CWH43: variants seen among roughly 807,000 people sequenced by gnomAD.
CWH43 encodes the protein cell wall biogenesis 43 C-terminal homolog.
CWH43 carries 91 observed loss-of-function variants against 85.7 expected under a neutral mutation model. The observed-to-expected ratio is 1.06, with a 90% CI of 0.90 to 1.26. The LOEUF (loss-of-function observed/expected upper bound fraction) is 1.26, where lower values mean the gene tolerates loss of function less well. Ranked by LOEUF, CWH43 falls within the 50% of genes most tolerant of loss-of-function variation. The pLI is 0.00. For missense variants in CWH43, 869 were observed against 839.2 expected (o/e 1.04, Z -0.44); for synonymous variants, 323 against 293.6 (o/e 1.10, Z -1.02).
chr4:48,999,721 G>T (rs182371891), intron 6 of CWH43, among the ~76,000 whole-genome samples: 1 of 152,150 alleles, frequency 6.6e-6, no homozygotes, highest in Non-Finnish European at 1.5e-5. Context: ...TTGCTTTTCC[G>T]TGTTTCAAAA....
At chr4:49,037,933 C>G (rs1784308771) in intron 12 of CWH43, 103 bp from the exon 13 acceptor site, 4 of 926,648 alleles carry the variant, frequency 4.3e-6, no homozygotes, top group Non-Finnish European at 4.9e-6. Context: ...TGACTCTGGG[C>G]TTCTTCACTA....
chr4:49,057,074 T>C (rs1784988071), intron 15 of CWH43, among the ~76,000 whole-genome samples: 1 of 152,218 alleles, frequency 6.6e-6, no homozygotes. Flanking sequence ...ATAAGATTTG[T>C]CCTGGAGAAT....
chr4:49,017,899 A>G (rs931992089), intron 9 of CWH43, among the ~76,000 whole-genome samples: 11 of 151,516 alleles, frequency 7.3e-5, no homozygotes, highest in African/African-American at 2.7e-4. Flanking sequence ...CAGTGGTGCG[A>G]TCTTGGCTCA....
At chr4:48,997,108 T>TAATA (rs1175398324) in intron 5 of CWH43, among the ~76,000 whole-genome samples, 3 of 152,354 alleles carry the variant, frequency 2.0e-5, no homozygotes, top group Admixed American at 6.5e-5. Context: ...GAACATCTAT[T>TAATA]AATATCTGAC....
intron 2 of CWH43, among the ~76,000 whole-genome samples, chr4:48,990,639 T>C (rs1782630377): frequency 6.6e-6 from 1 of 152,180 alleles, no homozygotes. Context: ...CAGACAATAA[T>C]AAGTGTTGAC....
intron 5 of CWH43, among the ~76,000 whole-genome samples, chr4:48,995,562 G>T (rs1345070850): frequency 6.6e-6 from 1 of 152,130 alleles, no homozygotes; most frequent in Admixed American, 6.5e-5. Flanking sequence ...TCTTTCCCCA[G>T]CAGGGATCTG....
rs1441186570 is a variant in CWH43 at position 49,032,234 on chromosome 4, A to C, written c.1509-332A>C. Among the ~76,000 whole-genome samples the C allele has an allele frequency of 3.3e-5, 5 of 152,150 alleles. No homozygotes were observed. In the East Asian group the frequency reaches 7.7e-4, roughly 23 times the overall value. On this transcript the variant is annotated intron_variant, in intron 11 of 15. Transcript: ENST00000226432. ...AGATTGTACCTTCCCATATGTGTTG[A>C]TTAATATTAGAATTGTTTATGCAAA...
At chr4:49,030,168 A>G (rs1428783785) in intron 10 of CWH43, among the ~76,000 whole-genome samples, 1 of 152,230 alleles carries the variant, frequency 6.6e-6, no homozygotes, top group Non-Finnish European at 1.5e-5. Flanking sequence ...GATTTGTTTC[A>G]GTGCTCCGGG....
intron 14 of CWH43, among the ~76,000 whole-genome samples, chr4:49,050,039 T>TAC (rs1217720692): frequency 6.6e-6 from 1 of 152,220 alleles, no homozygotes; most frequent in East Asian, 1.9e-4. Flanking sequence ...TCCATATATA[T>TAC]ACATATGTGC....
At position 49,014,360 on chromosome 4, in the gene CWH43, C is replaced by A. The variant is rs573347207; in HGVS notation, c.1187-2889C>A. Among the ~76,000 whole-genome samples the A allele has an allele frequency of 1.7e-3, 252 of 149,398 alleles. 1 individual carries two copies. The highest frequency in any genetic ancestry group is 5.9e-3 in the African/African-American group (237 of 40,160). On this transcript the variant is annotated intron_variant, in intron 8 of 15. Coordinates refer to ENST00000226432, the MANE Select transcript of CWH43 (RefSeq NM_025087.3). ...CAGTAGTCTCAGCTACTAGGGAGGG[C>A]GAGGGTGAAGTGGGAGGATCTTTTG...
intron 15 of CWH43, among the ~76,000 whole-genome samples, chr4:49,053,840 G>A (rs1784872309): frequency 1.3e-5 from 2 of 152,176 alleles, no homozygotes; most frequent in Admixed American, 1.3e-4. Flanking sequence ...TGCTCAAACA[G>A]TAAGTATAAT....
rs1560484290 is a variant in CWH43, at chr4:48,992,013, C to T, written c.434C>T (p.Pro145Leu). 1.2e-6 allele frequency: 2 copies of T among 1,613,772 alleles called. No individual in the cohort carries two copies. The highest frequency in any genetic ancestry group is 1.1e-5 in the South Asian group (1 of 91,064). ...VLRIWYTSLNPIWSYQMSNKV... is the reference protein window; with the variant it reads ...VLRIWYTSLNLIWSYQMSNKV... Reference sequence around the variant, plus strand: ...CGCATATGGTATACTTCACTAAACCCAATCTGGAGTTATCAGATGTCCAAC... The same window carrying T: ...CGCATATGGTATACTTCACTAAACCTAATCTGGAGTTATCAGATGTCCAAC... Residue 145 changes from proline to leucine, a missense_variant, in exon 4 of 16, where the codon CCA (proline) becomes CTA (leucine). Pro to Leu is a moderately conservative substitution (Grantham distance 98). This residue lies in a region of CWH43 where 152 missense variants were observed against 203.6 expected (regional missense o/e 0.75). Coordinates refer to ENST00000226432, the MANE Select transcript of CWH43 (RefSeq NM_025087.3). The surrounding 1 kb of genome is among the most constrained non-coding windows in gnomAD (Gnocchi z 4.3).
intron 13 of CWH43, among the ~76,000 whole-genome samples, chr4:49,042,932 T>C (rs1000984480): frequency 7.2e-5 from 11 of 152,190 alleles, no homozygotes; most frequent in African/African-American, 1.9e-4. Context: ...GGATTTCTGT[T>C]CTTGCCTGGG....
intron 13 of CWH43, among the ~76,000 whole-genome samples, chr4:49,038,708 G>A (rs1784340549): frequency 6.6e-6 from 1 of 152,118 alleles, no homozygotes; most frequent in Non-Finnish European, 1.5e-5. Flanking sequence ...GAATACTAAT[G>A]GAAAGTGAGA....
At chr4:49,055,559 G>A (rs1784924016) in intron 15 of CWH43, among the ~76,000 whole-genome samples, 1 of 151,054 alleles carries the variant, frequency 6.6e-6, no homozygotes, top group Admixed American at 6.7e-5. Context: ...TTATGAAAGA[G>A]TTTGAGAAGG....
At chr4:48,988,336 T>C in intron 1 of CWH43, 141 bp from the exon 2 acceptor site, 1 of 473,432 alleles carries the variant, frequency 2.1e-6, no homozygotes, top group South Asian at 5.5e-5. Flanking sequence ...TCCATGTCAG[T>C]GGAGACAACT....
At chr4:49,040,906 G>C (rs1179374013) in intron 13 of CWH43, among the ~76,000 whole-genome samples, 2 of 152,166 alleles carry the variant, frequency 1.3e-5, no homozygotes, top group East Asian at 3.8e-4. Context: ...AATCCATCTT[G>C]AATTAATTTT....
At chr4:48,999,783 G>A (rs1413407166) in intron 6 of CWH43, among the ~76,000 whole-genome samples, 2 of 152,090 alleles carry the variant, frequency 1.3e-5, no homozygotes, top group East Asian at 1.9e-4. Flanking sequence ...TCCTTTACAT[G>A]TAACAGGGGA....
At chr4:49,051,785 C>G (rs1784806601) in intron 15 of CWH43, among the ~76,000 whole-genome samples, 1 of 152,172 alleles carries the variant, frequency 6.6e-6, no homozygotes, top group South Asian at 2.1e-4. Flanking sequence ...CTATATTGGT[C>G]AGGCTGGTCT....
Sources: allele counts gnomAD v4.1 joint callset (sites outside exome capture counted in the v4.1 genomes callset), GRCh38; gene constraint gnomAD v4.1.1; regional missense constraint gnomAD v4.1.1; non-coding constraint Gnocchi (gnomAD v3.1); transcripts MANE v1.5; gene names NCBI Gene and HGNC (gene_info 2026-07-23, HGNC 2026-07-21).